SATL1: variants seen among roughly 807,000 people sequenced by gnomAD.
The protein encoded by SATL1 is spermidine/spermine N1-acetyl transferase like 1.
A neutral mutation model predicts 51.8 loss-of-function variants in SATL1; 47 were observed. That is an observed-to-expected ratio of 0.91 (90% CI 0.72 to 1.16). SATL1 has a LOEUF of 1.16. SATL1 is among the 50% of genes most tolerant of loss of function. The probability of loss-of-function intolerance (pLI) is 0.00; values close to 1 mark genes in which losing one functional copy is unlikely to be tolerated. For synonymous variants in SATL1, 176 were observed against 182.4 expected (o/e 0.97, Z 0.28); for missense variants, 520 against 526.4 (o/e 0.99, Z 0.12).
At chrX:85,104,314 T>C (rs1270712452) in intron 3 of SATL1, among the ~76,000 whole-genome samples, 1 of 111,950 alleles carries the variant, frequency 8.9e-6, no homozygotes, top group Non-Finnish European at 1.9e-5. Context: ...GAAATGTTTT[T>C]GCCAGTTTAA....
intron 2 of SATL1, among the ~76,000 whole-genome samples, chrX:85,133,201 A>G (rs1925859607): frequency 8.9e-6 from 1 of 112,438 alleles, no homozygotes. Context: ...GCTGTCAGAC[A>G]GGACATTTAA....
intron 2 of SATL1, among the ~76,000 whole-genome samples, chrX:85,151,895 C>G (rs1034509190): frequency 9.0e-6 from 1 of 111,253 alleles, no homozygotes; most frequent in Non-Finnish European, 1.9e-5. Flanking sequence ...CCATTCAGGA[C>G]ATAGGCATGG....
intron 2 of SATL1, among the ~76,000 whole-genome samples, chrX:85,140,570 G>C (rs1015878664): frequency 2.7e-5 from 3 of 111,911 alleles, no homozygotes; most frequent in Non-Finnish European, 5.6e-5. Context: ...TATAAGATTA[G>C]TTTTAATGAA....
chrX:85,225,609 T>C (rs1337001694), intron 1 of SATL1, among the ~76,000 whole-genome samples: 3 of 111,851 alleles, frequency 2.7e-5, no homozygotes. Flanking sequence ...TCTGGATAGA[T>C]GGGGGATGGA....
intron 1 of SATL1, among the ~76,000 whole-genome samples, chrX:85,240,211 GTTAA>G (rs1005170692): frequency 1.8e-5 from 2 of 111,887 alleles, no homozygotes; most frequent in African/African-American, 6.5e-5. Context: ...ACAAACAGGT[GTTAA>G]TTATTAGCTA....
Position 85,109,013 on chromosome X carries a change from T to C in SATL1, c.-45A>G. Reference sequence around the variant, plus strand: ...TGTTGACTAAGGATGGGGTGGCAGATGATGGGTTGGCAGACAACTGATTGG... The same window carrying C: ...TGTTGACTAAGGATGGGGTGGCAGACGATGGGTTGGCAGACAACTGATTGG... On this transcript the variant is annotated 5_prime_UTR_variant, in exon 3 of 8. Transcript: ENST00000644105. 1 of 1,118,717 alleles carries C rather than the reference T, an allele frequency of 8.9e-7. No individual in the cohort carries two copies. The allele number at this position is 1,118,717 out of a possible 1,213,427, so 92.2% of individuals were successfully genotyped here.
At chrX:85,131,839 G>A (rs932444463) in intron 2 of SATL1, among the ~76,000 whole-genome samples, 2 of 111,418 alleles carry the variant, frequency 1.8e-5, no homozygotes, top group Admixed American at 9.6e-5. Flanking sequence ...TGTAAGGCAG[G>A]CCTGATGGTG....
chrX:85,148,246 A>C (rs1926315439), intron 2 of SATL1, among the ~76,000 whole-genome samples: 1 of 111,617 alleles, frequency 9.0e-6, no homozygotes, highest in African/African-American at 3.3e-5. Flanking sequence ...GAAATGAATG[A>C]AAGGAAGCCA....
At chrX:85,150,350 G>A (rs1926392566) in intron 2 of SATL1, among the ~76,000 whole-genome samples, 1 of 110,151 alleles carries the variant, frequency 9.1e-6, no homozygotes. Context: ...AAGAGTCCAG[G>A]ACCAGATGGA....
intron 2 of SATL1, among the ~76,000 whole-genome samples, chrX:85,203,956 G>A (rs1927739194): frequency 8.9e-6 from 1 of 111,928 alleles, no homozygotes; most frequent in African/African-American, 3.3e-5. Flanking sequence ...TTTTCACTTT[G>A]CCAAAGCTGC....
intron 4 of SATL1, among the ~76,000 whole-genome samples, chrX:85,095,676 A>C (rs1002909833): frequency 9.6e-6 from 1 of 104,610 alleles, no homozygotes; most frequent in Non-Finnish European, 2.0e-5. Flanking sequence ...AATACAAAAA[A>C]TTAGCCGGGC....
At chrX:85,130,868 T>G (rs1024833800) in intron 2 of SATL1, among the ~76,000 whole-genome samples, 1 of 111,969 alleles carries the variant, frequency 8.9e-6, no homozygotes, top group African/African-American at 3.2e-5. Context: ...ATTGGTTTCA[T>G]AGAACATCTT....
rs10521371 is a variant in SATL1 at position 85,109,204 on chromosome X, C to G, written c.-236G>C. 6,658 of 401,486 alleles carry G rather than the reference C, an allele frequency of 0.017. 65 individuals are homozygous for G. The highest frequency in any genetic ancestry group is 0.023 in the Non-Finnish European group (5,441 of 233,304). 33.1% of individuals were successfully genotyped at this position (401,486 alleles called of 1,213,427 possible). A position where few individuals can be genotyped will look rare whatever the true frequency, so the allele number is the denominator to read the frequency against. On this transcript the variant is annotated 5_prime_UTR_variant, in exon 3 of 8. Transcript: ENST00000644105. ...ACCTCAGGAAGATTATTAATGCCTCCGGTTTGCTGGAGTTGACTTCACCAG... is the reference window on the plus strand; with the variant it reads ...ACCTCAGGAAGATTATTAATGCCTCGGGTTTGCTGGAGTTGACTTCACCAG...
chrX:85,127,359 C>G (rs1170004211), intron 2 of SATL1, among the ~76,000 whole-genome samples: 2 of 111,230 alleles, frequency 1.8e-5, no homozygotes, highest in Admixed American at 1.9e-4. Flanking sequence ...AACTCTAAAG[C>G]ACTATATAAA....
At chrX:85,242,898 G>T (rs946548718) in intron 1 of SATL1, among the ~76,000 whole-genome samples, 11 of 112,000 alleles carry the variant, frequency 9.8e-5, no homozygotes, top group Non-Finnish European at 1.1e-4. Context: ...CAATGGCAGA[G>T]CAGAGTAGTT....
chrX:85,218,384 A>G (rs1486470282), intron 2 of SATL1, among the ~76,000 whole-genome samples: 1 of 111,942 alleles, frequency 8.9e-6, no homozygotes, highest in Non-Finnish European at 1.9e-5. Context: ...ATGTTCAGGG[A>G]CATGTTTCCT....
At chrX:85,236,122 C>T (rs965197414) in intron 1 of SATL1, among the ~76,000 whole-genome samples, 4 of 111,283 alleles carry the variant, frequency 3.6e-5, no homozygotes, top group African/African-American at 6.5e-5. Flanking sequence ...GTACAACCTA[C>T]GAAGATTGAA....
At chrX:85,213,700 C>G (rs899474434) in intron 2 of SATL1, among the ~76,000 whole-genome samples, 1 of 111,490 alleles carries the variant, frequency 9.0e-6, no homozygotes, top group South Asian at 3.7e-4. Context: ...TGCAGTAAGA[C>G]AAAATGCCAG....
intron 2 of SATL1, among the ~76,000 whole-genome samples, chrX:85,192,309 A>G (rs1017509492): frequency 9.0e-6 from 1 of 111,562 alleles, no homozygotes. Flanking sequence ...TCAGTAACCT[A>G]CAGGATGAAA....
Sources: gnomAD v4.1 joint callset for allele counts (sites outside exome capture counted in the v4.1 genomes callset) on GRCh38, gnomAD v4.1.1 for gene constraint, MANE v1.5 for transcripts, NCBI Gene and HGNC (gene_info 2026-07-23, HGNC 2026-07-21) for gene names.